RERE: variants seen among roughly 807,000 people sequenced by gnomAD.
RERE encodes arginine-glutamic acid dipeptide repeats protein.
A neutral mutation model predicts 146.1 loss-of-function variants in RERE; 40 were observed. That is an observed-to-expected ratio of 0.27 (90% CI 0.21 to 0.36). RERE has a LOEUF of 0.36. Among genes scored for constraint, RERE ranks in the 10% least tolerant of loss-of-function variants. The probability of loss-of-function intolerance (pLI) is 1.00; values close to 1 mark genes in which losing one functional copy is unlikely to be tolerated. For missense variants in RERE, 1,933 were observed against 2,138.7 expected (o/e 0.90, Z 1.90); for synonymous variants, 1,003 against 866.0 (o/e 1.16, Z -2.78).
chr1:8,558,997 T>C (rs1307202297), intron 4 of RERE, among the ~76,000 whole-genome samples: 1 of 151,226 alleles, frequency 6.6e-6, no homozygotes, highest in Non-Finnish European at 1.5e-5. Context: ...GTTTTGACAA[T>C]GTTGGCCAGA....
intron 4 of RERE, among the ~76,000 whole-genome samples, chr1:8,602,117 G>A (rs1646638824): frequency 6.6e-6 from 1 of 152,122 alleles, no homozygotes; most frequent in South Asian, 2.1e-4. Flanking sequence ...CAGTCTGGGT[G>A]CGGTGGCTCA....
chr1:8,607,262 AG>A (rs1264200539), intron 4 of RERE, among the ~76,000 whole-genome samples: 1 of 151,130 alleles, frequency 6.6e-6, no homozygotes, highest in Non-Finnish European at 1.5e-5. Context: ...CAGGAGGCTG[AG>A]GTAGGAGGAT....
At chr1:8,530,303 TC>T (rs1645627081) in intron 7 of RERE, among the ~76,000 whole-genome samples, 1 of 152,170 alleles carries the variant, frequency 6.6e-6, no homozygotes, top group Non-Finnish European at 1.5e-5. Flanking sequence ...ATCAATTTTT[TC>T]TAAAATTAAA....
At chr1:8,601,543 CT>C (rs935385405) in intron 4 of RERE, among the ~76,000 whole-genome samples, 1 of 151,200 alleles carries the variant, frequency 6.6e-6, no homozygotes, top group African/African-American at 2.4e-5. Context: ...GGTAATTTGC[CT>C]TAAGATGTTA....
chr1:8,727,460 A>G (rs527728725), intron 1 of RERE, among the ~76,000 whole-genome samples: 10 of 152,066 alleles, frequency 6.6e-5, no homozygotes, highest in Admixed American at 5.9e-4. Context: ...TTATTAAAAC[A>G]TACAATATTT....
chr1:8,594,390 C>T lies in RERE; in HGVS notation c.522+20171G>A, dbSNP rs539277473. On this transcript the variant is annotated intron_variant, in intron 4 of 22. Coordinates refer to ENST00000400908, the MANE Select transcript of RERE (RefSeq NM_001042681.2). ...CAAACTACATAAAATGTGTATGCCA[C>T]TGGGTAGAAAGATACAACAAAAATG... Among the ~76,000 whole-genome samples the T allele has an allele frequency of 6.6e-5, 10 of 152,184 alleles. 1 individual carries two copies. The East Asian group carries it at 9.6e-4, about 15-fold the overall frequency.
chr1:8,766,875 T>A (rs1244531188), intron 1 of RERE, among the ~76,000 whole-genome samples: 1 of 152,202 alleles, frequency 6.6e-6, no homozygotes, highest in Non-Finnish European at 1.5e-5. Flanking sequence ...GTTGGAAGCT[T>A]TCTTGGGCAT....
rs945398552 is a variant in RERE at position 8,786,765 on chromosome 1, G to A, written c.-145+30395C>T. 6 of 782,622 alleles carry A rather than the reference G, an allele frequency of 7.7e-6. No homozygotes were observed. The Admixed American group carries it at 8.5e-5, about 11-fold the overall frequency. The allele number at this position is 782,622 out of a possible 1,614,324, so 48.5% of individuals were successfully genotyped here. A position where few individuals can be genotyped will look rare whatever the true frequency, so the allele number is the denominator to read the frequency against. ...TTCTGTACATCTGCCTATATTCCTT[G>A]TGATAGCACTATGCTTTTTCATAAA... is the stretch of plus-strand genomic sequence containing the variant. On this transcript the variant is annotated intron_variant, in intron 1 of 22. Coordinates refer to ENST00000400908, the MANE Select transcript of RERE (RefSeq NM_001042681.2).
At chr1:8,796,090 T>A (rs1308965024) in intron 1 of RERE, among the ~76,000 whole-genome samples, 1 of 151,994 alleles carries the variant, frequency 6.6e-6, no homozygotes, top group Non-Finnish European at 1.5e-5. Flanking sequence ...AATCAACATA[T>A]CCCTTAGTAA....
chr1:8,521,168 C>A (rs6577496), intron 7 of RERE, among the ~76,000 whole-genome samples: 75,798 of 120,068 alleles, frequency 0.63, 22,442 homozygotes, highest in East Asian at 0.84. Context: ...AGTAGAGCTT[C>A]TTTTTTTCAA....
At chr1:8,529,284 C>CTTTT (rs1185715350) in intron 7 of RERE, among the ~76,000 whole-genome samples, 2 of 84,544 alleles carry the variant, frequency 2.4e-5, no homozygotes, top group African/African-American at 9.3e-5. Context: ...TCAGTTCTCC[C>CTTTT]TTCTTTTTTT....
At chr1:8,389,633 T>C (rs1269392727) in intron 12 of RERE, among the ~76,000 whole-genome samples, 1 of 152,194 alleles carries the variant, frequency 6.6e-6, no homozygotes, top group Non-Finnish European at 1.5e-5. Flanking sequence ...GAATTCTCTT[T>C]GGTAACCCAT....
intron 4 of RERE, among the ~76,000 whole-genome samples, chr1:8,586,499 C>T (rs1403523077): frequency 6.6e-6 from 1 of 152,104 alleles, no homozygotes; most frequent in Admixed American, 6.6e-5. Context: ...AAAGAAAACA[C>T]TAATAGCACA....
chr1:8,405,316 G>C (rs182298777), intron 12 of RERE, among the ~76,000 whole-genome samples: 1 of 152,250 alleles, frequency 6.6e-6, no homozygotes, highest in Admixed American at 6.5e-5. Flanking sequence ...CACTCATTAA[G>C]AAATTTTTTT....
intron 1 of RERE, among the ~76,000 whole-genome samples, chr1:8,699,984 G>T (rs896187031): frequency 6.6e-6 from 1 of 152,112 alleles, no homozygotes; most frequent in African/African-American, 2.4e-5. Flanking sequence ...AATCAAGTTT[G>T]TTTCTACGAC....
At position 8,354,808 on chromosome 1, in the gene RERE, C is replaced by G. The variant is rs1286130470; in HGVS notation, c.*279G>C. The G allele has an allele frequency of 4.4e-6, 2 of 455,010 alleles. No individual in the cohort carries two copies. Among genetic ancestry groups the G allele is most frequent in the East Asian group, 3.8e-5 (1 of 26,252 alleles). The allele number at this position is 455,010 out of a possible 1,614,324, so 28.2% of individuals were successfully genotyped here. ...AGGAAAAGAAAACTAAAGCCAAACC[C>G]CAAGATTGCAGGGAAGCTTTCTGGA... On this transcript the variant is annotated 3_prime_UTR_variant, in exon 23 of 23. Coordinates refer to ENST00000400908, the MANE Select transcript of RERE (RefSeq NM_001042681.2).
At chr1:8,392,028 G>GA (rs778201324) in intron 12 of RERE, among the ~76,000 whole-genome samples, 3 of 152,062 alleles carry the variant, frequency 2.0e-5, no homozygotes, top group African/African-American at 7.2e-5. Flanking sequence ...CTCTGCCTCA[G>GA]AAAAAATAAA....
At chr1:8,721,141 A>G (rs1639856412) in intron 1 of RERE, among the ~76,000 whole-genome samples, 1 of 152,162 alleles carries the variant, frequency 6.6e-6, no homozygotes, top group African/African-American at 2.4e-5. Context: ...CTAGGCTGGT[A>G]AAACTTGGAC....
intron 4 of RERE, among the ~76,000 whole-genome samples, chr1:8,593,835 G>T (rs1646523478): frequency 6.6e-6 from 1 of 152,176 alleles, no homozygotes; most frequent in Non-Finnish European, 1.5e-5. Flanking sequence ...ATGGACTTTA[G>T]GGGCTGTGGC....
Sources: allele counts gnomAD v4.1 joint callset (sites outside exome capture counted in the v4.1 genomes callset), GRCh38; gene constraint gnomAD v4.1.1; transcripts MANE v1.5; gene names NCBI Gene and HGNC (gene_info 2026-07-23, HGNC 2026-07-21).